The following SLIT3 variants were observed in gnomAD, a reference collection of about 807,000 sequenced individuals.
The protein encoded by SLIT3 is slit guidance ligand 3.
In SLIT3, 68 loss-of-function variants were observed where a neutral mutation model predicts 184.0. The observed-to-expected ratio is 0.37, with a 90% CI of 0.30 to 0.45. The LOEUF (loss-of-function observed/expected upper bound fraction) is 0.45, where lower values mean the gene tolerates loss of function less well. Among genes scored for constraint, SLIT3 ranks in the 20% least tolerant of loss-of-function variants. The probability of loss-of-function intolerance (pLI) is 1.00; values close to 1 mark genes in which losing one functional copy is unlikely to be tolerated. For missense variants in SLIT3, 1,707 were observed against 2,026.0 expected, an observed-to-expected ratio of 0.84 and a Z score of 3.02; for synonymous variants, 831 against 828.6, an observed-to-expected ratio of 1.00 and a Z score of -0.05.
At chr5:168,896,831 C>A (rs956414651) in intron 4 of SLIT3, among the ~76,000 whole-genome samples, 7 of 152,140 alleles carry the variant, frequency 4.6e-5, no homozygotes, top group Non-Finnish European at 7.3e-5. Flanking sequence ...TGGCCCCTGC[C>A]CAAGCACAGG....
At chr5:168,729,919 T>C (rs899883958) in intron 20 of SLIT3, among the ~76,000 whole-genome samples, 6 of 152,086 alleles carry the variant, frequency 3.9e-5, no homozygotes, top group Non-Finnish European at 7.4e-5. Flanking sequence ...ATCTTAAAGA[T>C]ACAGATTGTC....
chr5:168,819,718 G>A (rs546310189), intron 7 of SLIT3, among the ~76,000 whole-genome samples: 1 of 152,330 alleles, frequency 6.6e-6, no homozygotes, highest in East Asian at 1.9e-4. Context: ...TAATAAAAAT[G>A]TCAGAGGTTT....
intron 20 of SLIT3, among the ~76,000 whole-genome samples, chr5:168,734,629 C>G: frequency 6.6e-6 from 1 of 152,174 alleles, no homozygotes. Context: ...TGGGTAGAAT[C>G]TCTGTAAATG....
intron 4 of SLIT3, among the ~76,000 whole-genome samples, chr5:168,890,578 T>C (rs1024100106): frequency 1.3e-5 from 2 of 152,248 alleles, no homozygotes; most frequent in Non-Finnish European, 2.9e-5. Context: ...ATTGTGGTTA[T>C]GTTTTCTTTC....
intron 6 of SLIT3, among the ~76,000 whole-genome samples, chr5:168,843,276 C>T (rs62378541): frequency 0.013 from 1,970 of 152,170 alleles, 21 homozygotes; most frequent in South Asian, 0.022. Context: ...CTAGTATCTG[C>T]GGGGCCAGGT....
chr5:168,757,810 C>T (rs1221287274), intron 16 of SLIT3, among the ~76,000 whole-genome samples: 1 of 152,228 alleles, frequency 6.6e-6, no homozygotes, highest in Non-Finnish European at 1.5e-5. Flanking sequence ...TTTCCACACC[C>T]TGTCTCCCCA....
rs371054553 is a variant in SLIT3 at position 168,815,180 on chromosome 5, G to T, written c.793+2120C>A. On this transcript the variant is annotated intron_variant, in intron 8 of 35. Transcript: ENST00000519560. ...CTGCTATAAACAGAAGTTGATAAAGGTGCTCCCACGTAACTACGAACCTGT... is the reference window on the plus strand; with the variant it reads ...CTGCTATAAACAGAAGTTGATAAAGTTGCTCCCACGTAACTACGAACCTGT... Among the ~76,000 whole-genome samples the T allele has an allele frequency of 3.8e-4, 58 of 152,316 alleles. 1 individual carries two copies. The South Asian group carries it at 0.012, about 31-fold the overall frequency.
At chr5:168,880,507 G>A (rs1759913108) in intron 5 of SLIT3, among the ~76,000 whole-genome samples, 1 of 152,152 alleles carries the variant, frequency 6.6e-6, no homozygotes, top group South Asian at 2.1e-4. Context: ...CACCATTCAG[G>A]CCCAGCTACA....
intron 4 of SLIT3, among the ~76,000 whole-genome samples, chr5:168,970,224 G>A (rs925877480): frequency 6.6e-6 from 1 of 151,774 alleles, no homozygotes; most frequent in African/African-American, 2.4e-5. Flanking sequence ...GGCCAGGCGT[G>A]GTGGCTGACA....
intron 7 of SLIT3, among the ~76,000 whole-genome samples, chr5:168,821,280 T>C (rs1757523001): frequency 6.6e-6 from 1 of 152,178 alleles, no homozygotes; most frequent in East Asian, 1.9e-4. Flanking sequence ...CAGCTTCTGT[T>C]ATTGCTGCTT....
At chr5:168,906,948 C>T (rs1761073288) in intron 4 of SLIT3, among the ~76,000 whole-genome samples, 3 of 151,458 alleles carry the variant, frequency 2.0e-5, no homozygotes, top group Admixed American at 1.3e-4. Flanking sequence ...GCAACCTCCA[C>T]CTCCCAGGTT....
At chr5:168,998,472 G>A (rs1473506004) in intron 4 of SLIT3, among the ~76,000 whole-genome samples, 3 of 152,188 alleles carry the variant, frequency 2.0e-5, no homozygotes, top group Non-Finnish European at 4.4e-5. Flanking sequence ...TTGGGAGGCT[G>A]AGGCGGGCAG....
At chr5:168,729,698 A>G (rs918216978) in intron 20 of SLIT3, among the ~76,000 whole-genome samples, 1 of 152,182 alleles carries the variant, frequency 6.6e-6, no homozygotes, top group Non-Finnish European at 1.5e-5. Context: ...AATCATGAAA[A>G]TATAAAACTC....
chr5:168,909,157 G>A (rs763313307), intron 4 of SLIT3, among the ~76,000 whole-genome samples: 1 of 152,196 alleles, frequency 6.6e-6, no homozygotes, highest in Admixed American at 6.5e-5. Flanking sequence ...ACAGCAGCTA[G>A]GACAGCAAGG....
chr5:169,209,337 CTT>C (rs1764177680), intron 3 of SLIT3, among the ~76,000 whole-genome samples: 1 of 152,178 alleles, frequency 6.6e-6, no homozygotes, highest in Admixed American at 6.5e-5. Context: ...AATAGGAACA[CTT>C]TTACACGTTG....
Position 168,774,318 on chromosome 5 carries a change from G to A in SLIT3, c.1212C>T (p.Asn404=), listed in dbSNP as rs142765882. Residue 404 remains asparagine (N), a synonymous_variant, in exon 13 of 36, where the codon AAC becomes AAT. Coordinates refer to ENST00000519560, the MANE Select transcript of SLIT3 (RefSeq NM_003062.4). ...LRVNTFQDLQ[N]LNLLSLYDNK... is the part of the protein sequence containing the mutation. ...TGTCATACAGGGAGAGCAAGTTGAG[G>A]TTCTGCAGGTCCTGAAACGTGTTCA... The A allele has an allele frequency of 6.2e-7, 1 of 1,614,092 alleles. No individual in the cohort carries two copies.
chr5:168,835,064 G>A (rs528011761), intron 6 of SLIT3, among the ~76,000 whole-genome samples: 3 of 152,268 alleles, frequency 2.0e-5, no homozygotes, highest in South Asian at 4.2e-4. Context: ...GTGGCCAGGG[G>A]CTTCCATCCT....
At chr5:169,297,766 G>T (rs2113668376) in intron 1 of SLIT3, among the ~76,000 whole-genome samples, 1 of 152,226 alleles carries the variant, frequency 6.6e-6, no homozygotes, top group East Asian at 1.9e-4. Flanking sequence ...TATTTGCAAT[G>T]GTTCTATATA....
chr5:169,182,106 A>G (rs1763178841), intron 4 of SLIT3, among the ~76,000 whole-genome samples: 1 of 152,222 alleles, frequency 6.6e-6, no homozygotes, highest in African/African-American at 2.4e-5. Flanking sequence ...CGCAACAGGC[A>G]GTGCTAATCA....
Sources: gnomAD v4.1 joint callset for allele counts (sites outside exome capture counted in the v4.1 genomes callset) on GRCh38, gnomAD v4.1.1 for gene constraint, MANE v1.5 for transcripts, NCBI Gene and HGNC (gene_info 2026-07-23, HGNC 2026-07-21) for gene names.